Variants in PLCB1 observed in about 807,000 individuals in gnomAD.
PLCB1 encodes the protein 1-phosphatidylinositol 4,5-bisphosphate phosphodiesterase beta-1.
A neutral mutation model predicts 161.8 loss-of-function variants in PLCB1; 46 were observed. The observed-to-expected ratio is 0.28, with a 90% confidence interval of 0.22 to 0.36. The LOEUF (loss-of-function observed/expected upper bound fraction) is 0.36, where lower values mean the gene tolerates loss of function less well. Among genes scored for constraint, PLCB1 ranks in the 10% least tolerant of loss-of-function variants. PLCB1 has a pLI of 1.00. For synonymous variants in PLCB1, 517 were observed against 503.7 expected (o/e 1.03, Z -0.35); for missense variants, 1,016 against 1,472.5 (o/e 0.69, Z 5.07).
Position 8,732,597 on chromosome 20 carries a change from G to GTATTAGATAT in PLCB1, c.1889-640_1889-639insATTAGATATT, listed in dbSNP as rs1568576744. 1.1e-4 allele frequency among the ~76,000 whole-genome samples: 16 copies of GTATTAGATAT among 144,070 alleles called. 1 individual carries two copies. The highest frequency in any genetic ancestry group is 2.8e-4 in the African/African-American group (11 of 39,282). The allele number at this position is 144,070 out of a possible 152,430, so 94.5% of individuals were successfully genotyped here. On this transcript the variant is annotated intron_variant, in intron 18 of 31. Coordinates refer to ENST00000338037, the MANE Select transcript of PLCB1 (RefSeq NM_015192.4). ...ATATTCTAATATATTGTATTAGATAGTGTATCATATTAGAAATTAGATATT... is the reference window on the plus strand; with the variant it reads ...ATATTCTAATATATTGTATTAGATAGTATTAGATATTGTATCATATTAGAAATTAGATATT...
At chr20:8,448,423 A>G (rs144880370) in intron 3 of PLCB1, among the ~76,000 whole-genome samples, 107 of 152,266 alleles carry the variant, frequency 7.0e-4, no homozygotes, top group African/African-American at 2.6e-3. Context: ...GTATGGCAAA[A>G]TTGCTGATAT....
At chr20:8,696,543 G>A (rs1990589671) in intron 10 of PLCB1, among the ~76,000 whole-genome samples, 1 of 152,112 alleles carries the variant, frequency 6.6e-6, no homozygotes, top group South Asian at 2.1e-4. Flanking sequence ...AAATCCTGGT[G>A]AGATTTTGAT....
chr20:8,242,176 T>A (rs1451493709), intron 2 of PLCB1, among the ~76,000 whole-genome samples: 2 of 151,784 alleles, frequency 1.3e-5, no homozygotes, highest in African/African-American at 4.8e-5. Flanking sequence ...GTTGTTTTTA[T>A]TTTTTTTCTC....
At chr20:8,865,812 A>G (rs547138190) in intron 31 of PLCB1, among the ~76,000 whole-genome samples, 12 of 152,260 alleles carry the variant, frequency 7.9e-5, no homozygotes, top group Non-Finnish European at 1.8e-4. Context: ...ACTTGTAAAC[A>G]TTGTCCTTGG....
intron 2 of PLCB1, chr20:8,256,671 T>A (rs552873881): frequency 6.6e-6 from 1 of 152,120 alleles, no homozygotes; most frequent in African/African-American, 2.4e-5. Context: ...AGGCCATTAA[T>A]GGAGGCCATG....
intron 2 of PLCB1, among the ~76,000 whole-genome samples, chr20:8,154,354 G>A (rs2051538845): frequency 6.6e-6 from 1 of 152,112 alleles, no homozygotes; most frequent in Non-Finnish European, 1.5e-5. Context: ...GAATACAGAA[G>A]TTCTCACTGG....
intron 3 of PLCB1, among the ~76,000 whole-genome samples, chr20:8,582,988 C>CAA (rs57511588): frequency 0.31 from 38,623 of 124,838 alleles, 6,713 homozygotes; most frequent in African/African-American, 0.52. Context: ...GACTCCATCT[C>CAA]AAAAAAAAAA....
chr20:8,163,941 T>C (rs2051650642), intron 2 of PLCB1, among the ~76,000 whole-genome samples: 1 of 152,194 alleles, frequency 6.6e-6, no homozygotes, highest in Admixed American at 6.5e-5. Context: ...GTGGGCCTAT[T>C]GGAGTGCTGT....
At chr20:8,734,225 C>T (rs1260963472) in intron 19 of PLCB1, among the ~76,000 whole-genome samples, 1 of 144,104 alleles carries the variant, frequency 6.9e-6, no homozygotes, top group Non-Finnish European at 1.5e-5. Flanking sequence ...AAAAATCTGA[C>T]TCTAAATCAA....
intron 3 of PLCB1, among the ~76,000 whole-genome samples, chr20:8,549,959 G>A (rs1446645609): frequency 6.6e-6 from 1 of 152,204 alleles, no homozygotes; most frequent in East Asian, 1.9e-4. Flanking sequence ...CTTCTGCCAT[G>A]ATTGTAAGTT....
intron 2 of PLCB1, among the ~76,000 whole-genome samples, chr20:8,195,510 C>T (rs2052012594): frequency 6.6e-6 from 1 of 152,070 alleles, no homozygotes; most frequent in African/African-American, 2.4e-5. Flanking sequence ...GCATCCTCTT[C>T]ATCCAACTTC....
In PLCB1 at chr20:8,300,838, C is replaced by G. The variant is rs1027512808; in HGVS notation, c.178-70544C>G. ...AGGAATGGATTGGCAGTGGAATTCT[C>G]AAGGTGCAGATGATATATCCTCACT... On this transcript the variant is annotated intron_variant, in intron 2 of 31. Coordinates refer to ENST00000338037, the MANE Select transcript of PLCB1 (RefSeq NM_015192.4). 2.0e-4 allele frequency among the ~76,000 whole-genome samples: 30 copies of G among 152,102 alleles called. 1 individual carries two copies. Among genetic ancestry groups the G allele is most frequent in the African/African-American group, 6.3e-4 (26 of 41,416 alleles).
chr20:8,219,091 C>A (rs1467426026), intron 2 of PLCB1, among the ~76,000 whole-genome samples: 1 of 152,052 alleles, frequency 6.6e-6, no homozygotes, highest in Non-Finnish European at 1.5e-5. Context: ...CATTTGAATC[C>A]CAATGTAATG....
At chr20:8,801,949 A>G in intron 31 of PLCB1, 1 of 753,554 alleles carries the variant, frequency 1.3e-6, no homozygotes, top group Non-Finnish European at 2.4e-6. Flanking sequence ...ACTGTACTCT[A>G]GAAGGCACTC....
At chr20:8,308,434 T>A (rs1984234007) in intron 2 of PLCB1, among the ~76,000 whole-genome samples, 1 of 151,540 alleles carries the variant, frequency 6.6e-6, no homozygotes. Flanking sequence ...CTGGCCAACA[T>A]GGTGAAACCC....
chr20:8,242,878 G>A (rs554417052), intron 2 of PLCB1, among the ~76,000 whole-genome samples: 65 of 152,054 alleles, frequency 4.3e-4, no homozygotes, highest in African/African-American at 1.4e-3. Context: ...ATTGTGCTAT[G>A]GGAATAATGG....
In PLCB1 at chr20:8,861,726, C is replaced by A. The variant is rs1229036006; in HGVS notation, c.3424-19896C>A. Among the ~76,000 whole-genome samples, 4 of 77,006 alleles carry A rather than the reference C, an allele frequency of 5.2e-5. No homozygotes were observed. In the Admixed American group the frequency reaches 5.8e-4, roughly 11 times the overall value. 50.5% of individuals were successfully genotyped at this position (77,006 alleles called of 152,430 possible). A position where few individuals can be genotyped will look rare whatever the true frequency, so the allele number is the denominator to read the frequency against. On this transcript the variant is annotated intron_variant, in intron 31 of 31. Transcript: ENST00000338037. Reference sequence around the variant, plus strand: ...GCCTGGTGACAGAGTGAGACTCTACCTCAAAAAAAAAAAAAAAAAAAAGAG... The same window carrying A: ...GCCTGGTGACAGAGTGAGACTCTACATCAAAAAAAAAAAAAAAAAAAAGAG...
chr20:8,780,905 A>C (rs1484581240), intron 27 of PLCB1, among the ~76,000 whole-genome samples: 1 of 152,236 alleles, frequency 6.6e-6, no homozygotes, highest in African/African-American at 2.4e-5. Context: ...ATGCACCTAA[A>C]ATATTGTTTT....
In PLCB1 at chr20:8,765,129, T is replaced by C. The variant is rs1465073216; in HGVS notation, c.2711-10T>C. ...CCCATTCCCTTAGCTTTCATATTCA[T>C]TTGTTGCAGAAGTGGAAGCACAGAC... On this transcript the variant is annotated splice_polypyrimidine_tract_variant and intron_variant, in intron 25 of 31. Coordinates refer to ENST00000338037, the MANE Select transcript of PLCB1 (RefSeq NM_015192.4). The C allele has an allele frequency of 6.2e-7, 1 of 1,607,000 alleles. No homozygotes were observed. The highest frequency in any genetic ancestry group is 2.2e-5 in the East Asian group (1 of 44,830).
Sources: allele counts gnomAD v4.1 joint callset (sites outside exome capture counted in the v4.1 genomes callset), GRCh38; gene constraint gnomAD v4.1.1; transcripts MANE v1.5; gene names NCBI Gene and HGNC (gene_info 2026-07-23, HGNC 2026-07-21).